BLMH: variants seen among roughly 807,000 people sequenced by gnomAD.
BLMH encodes BLM hydrolase.
A neutral mutation model predicts 61.6 loss-of-function variants in BLMH; 32 were observed. The observed-to-expected ratio is 0.52, with a 90% CI of 0.39 to 0.70. The LOEUF (loss-of-function observed/expected upper bound fraction) is 0.70. Ranked by LOEUF, BLMH falls within the 30% of genes least tolerant of loss-of-function variation. The pLI is 0.00. For missense variants in BLMH, 460 were observed against 555.5 expected (o/e 0.83, Z 1.73); for synonymous variants, 183 against 193.8 (o/e 0.94, Z 0.46).
At chr17:30,257,350 G>C (rs138235388) in intron 11 of BLMH, among the ~76,000 whole-genome samples, 119 of 152,162 alleles carry the variant, frequency 7.8e-4, no homozygotes, top group Non-Finnish European at 1.5e-3. Context: ...CCCAAGATAC[G>C]CTGTAAGTGA....
At chr17:30,274,389 T>C (rs974205870) in intron 6 of BLMH, among the ~76,000 whole-genome samples, 192 bp from the exon 7 acceptor site, 1 of 152,262 alleles carries the variant, frequency 6.6e-6, no homozygotes, top group Non-Finnish European at 1.5e-5. Context: ...AGTCAACTTA[T>C]GAGTTCTCAA....
At chr17:30,284,562 A>G (rs1908678003) in intron 6 of BLMH, among the ~76,000 whole-genome samples, 1 of 152,246 alleles carries the variant, frequency 6.6e-6, no homozygotes, top group South Asian at 2.1e-4. Flanking sequence ...AGTTTTATGC[A>G]TATTCATTCT....
chr17:30,290,800 C>T (rs1223769319), intron 2 of BLMH, among the ~76,000 whole-genome samples: 1 of 152,174 alleles, frequency 6.6e-6, no homozygotes, highest in African/African-American at 2.4e-5. Flanking sequence ...TTCTGTATTA[C>T]AAACTGATCT....
intron 11 of BLMH, chr17:30,251,995 ATTGT>A (rs1320877631): frequency 6.6e-6 from 1 of 152,222 alleles, no homozygotes; most frequent in Non-Finnish European, 1.5e-5. Context: ...AAAAAGTGGC[ATTGT>A]TTTACATTTT....
chr17:30,266,318 G>A (rs1055710345), intron 11 of BLMH, among the ~76,000 whole-genome samples: 1 of 151,902 alleles, frequency 6.6e-6, no homozygotes, highest in African/African-American at 2.4e-5. Context: ...ACGAGGTCAG[G>A]AAATCGAGAC....
At chr17:30,277,460 G>T (rs1404231576) in intron 6 of BLMH, among the ~76,000 whole-genome samples, 1 of 152,220 alleles carries the variant, frequency 6.6e-6, no homozygotes, top group Non-Finnish European at 1.5e-5. Flanking sequence ...ACTTAGATTA[G>T]AAAGGTTTTA....
intron 11 of BLMH, among the ~76,000 whole-genome samples, chr17:30,261,831 A>C (rs539748639): frequency 4.6e-5 from 7 of 152,338 alleles, no homozygotes; most frequent in Non-Finnish European, 1.0e-4. Flanking sequence ...ATATAGTCTG[A>C]ATTGATAACA....
intron 3 of BLMH, among the ~76,000 whole-genome samples, chr17:30,289,112 TA>T (rs1280871033): frequency 1.3e-5 from 2 of 152,164 alleles, no homozygotes; most frequent in Non-Finnish European, 2.9e-5. Context: ...ATATTGAATA[TA>T]AAATTTAAAA....
At chr17:30,289,505 GA>G in intron 2 of BLMH, 23 bp from the exon 3 acceptor site, 2 of 1,558,778 alleles carry the variant, frequency 1.3e-6, no homozygotes, top group South Asian at 2.3e-5. Context: ...AGCACATCAA[GA>G]AATTATGAGG....
At chr17:30,267,855 C>T (rs1825992022) in intron 10 of BLMH, among the ~76,000 whole-genome samples, 1 of 152,222 alleles carries the variant, frequency 6.6e-6, no homozygotes, top group African/African-American at 2.4e-5. Context: ...CTAATGATTT[C>T]ATCTGTCAAC....
At chr17:30,272,199 A>G (rs1908293427) in intron 9 of BLMH, 1 of 249,564 alleles carries the variant, frequency 4.0e-6, no homozygotes, top group African/African-American at 2.2e-5. Flanking sequence ...AAGTTACCAA[A>G]GTAACATAGC....
chr17:30,265,892 T>C (rs1333450814), intron 11 of BLMH, among the ~76,000 whole-genome samples: 1 of 152,174 alleles, frequency 6.6e-6, no homozygotes, highest in Admixed American at 6.5e-5. Flanking sequence ...TTTAAAAATG[T>C]GGTCTCAAAA....
At chr17:30,257,154 T>C (rs1272288210) in intron 11 of BLMH, among the ~76,000 whole-genome samples, 1 of 152,242 alleles carries the variant, frequency 6.6e-6, no homozygotes, top group African/African-American at 2.4e-5. Flanking sequence ...ATTCGGCACT[T>C]ACCGTGTGCC....
At chr17:30,267,081 T>C (rs751319657) in intron 10 of BLMH, 127 bp from the exon 11 acceptor site, 14 of 698,360 alleles carry the variant, frequency 2.0e-5, no homozygotes, top group Non-Finnish European at 3.5e-5. Context: ...GCCTGCTCTA[T>C]ACAGGCAGCC....
chr17:30,253,077 C>T (rs1029977231), intron 11 of BLMH, among the ~76,000 whole-genome samples: 1 of 152,226 alleles, frequency 6.6e-6, no homozygotes, highest in Non-Finnish European at 1.5e-5. Context: ...GAACACCACA[C>T]TGTTTGAGAC....
At chr17:30,270,185 T>G (rs183249418) in intron 10 of BLMH, among the ~76,000 whole-genome samples, 5 of 152,334 alleles carry the variant, frequency 3.3e-5, no homozygotes, top group African/African-American at 4.8e-5. Flanking sequence ...GTGGATAGGA[T>G]AGCAAAAACA....
At chr17:30,288,682 T>C (rs951486698) in intron 3 of BLMH, among the ~76,000 whole-genome samples, 1 of 151,878 alleles carries the variant, frequency 6.6e-6, no homozygotes, top group Non-Finnish European at 1.5e-5. Flanking sequence ...AAATGGAATA[T>C]GGCCAGGAGT....
chr17:30,271,344 T>C lies in BLMH; in HGVS notation c.1073A>G (p.Asn358Ser), dbSNP rs765733126. The C allele has an allele frequency of 2.5e-6, 4 of 1,614,030 alleles. No homozygotes were observed. The highest frequency in any genetic ancestry group is 3.3e-5 in the Admixed American group (2 of 59,998). ...ACCAAAAGTCAGCCTCTCCGCTTTA[T>C]TCATGTTCTTCAAGGAGACACCAAA... ...LVFGVSLKNM[N>S]KAERLTFGES... is the part of the protein sequence containing the mutation. Residue 358 changes from asparagine (N) to serine (S), a missense_variant, in exon 10 of 12, where the codon AAT becomes AGT. Coordinates refer to ENST00000261714, the MANE Select transcript of BLMH (RefSeq NM_000386.4).
chr17:30,282,569 T>C (rs753937263), intron 6 of BLMH, among the ~76,000 whole-genome samples: 3 of 152,214 alleles, frequency 2.0e-5, no homozygotes, highest in Non-Finnish European at 2.9e-5. Context: ...AAATGGACAC[T>C]GAGATAACAT....
Sources: gnomAD v4.1 joint callset for allele counts (sites outside exome capture counted in the v4.1 genomes callset) on GRCh38, gnomAD v4.1.1 for gene constraint, MANE v1.5 for transcripts, NCBI Gene and HGNC (gene_info 2026-07-23, HGNC 2026-07-21) for gene names.